DKK3: variants seen among roughly 807,000 people sequenced by gnomAD.
DKK3 encodes dickkopf Wnt signaling pathway inhibitor 3, also known as dickkopf-related protein 3.
DKK3 carries 22 observed loss-of-function variants against 33.2 expected under a neutral mutation model. The ratio of observed to expected loss-of-function variants is 0.66; its 90% confidence interval spans 0.47 to 0.95. The LOEUF (loss-of-function observed/expected upper bound fraction) is 0.95. DKK3 is among the 40% of genes least tolerant of loss of function. The probability of loss-of-function intolerance (pLI) is 0.00; values close to 1 mark genes in which losing one functional copy is unlikely to be tolerated. For synonymous variants in DKK3, 194 were observed against 188.8 expected (o/e 1.03, Z -0.23); for missense variants, 398 against 458.4 (o/e 0.87, Z 1.20).
intron 1 of DKK3, among the ~76,000 whole-genome samples, chr11:12,003,014 G>A (rs1226413510): frequency 6.6e-6 from 1 of 152,232 alleles, no homozygotes; most frequent in Admixed American, 6.5e-5. Context: ...CAATTCTAAA[G>A]CATGTAGAAT....
intron 3 of DKK3, among the ~76,000 whole-genome samples, chr11:11,992,458 G>A (rs1052176240): frequency 1.3e-5 from 2 of 152,190 alleles, no homozygotes; most frequent in Non-Finnish European, 2.9e-5. Context: ...CAGGGGTGGA[G>A]GCAGTAGCCT....
rs114174169 is a variant in DKK3 at position 11,984,538 on chromosome 11, T to C, written c.435+14158A>G. Among the ~76,000 whole-genome samples the C allele has an allele frequency of 8.0e-3, 1,222 of 152,212 alleles. 19 individuals are homozygous for C. The highest frequency in any genetic ancestry group is 0.028 in the African/African-American group (1,155 of 41,536). ...AACGCATTACTTTTCCCATGAGTTGTATCCAGATTAAGAAAATAATTCTGC... is the reference window on the plus strand; with the variant it reads ...AACGCATTACTTTTCCCATGAGTTGCATCCAGATTAAGAAAATAATTCTGC... On this transcript the variant is annotated intron_variant, in intron 3 of 6. Coordinates refer to ENST00000683431, the MANE Select transcript of DKK3 (RefSeq NM_001018057.2).
At chr11:11,977,496 A>C (rs535237253) in intron 3 of DKK3, among the ~76,000 whole-genome samples, 1 of 151,552 alleles carries the variant, frequency 6.6e-6, no homozygotes, top group African/African-American at 2.4e-5. Context: ...CGCATATTTA[A>C]CTCCAAAGGA....
intron 3 of DKK3, among the ~76,000 whole-genome samples, chr11:11,995,219 A>G (rs1018456479): frequency 1.2e-4 from 18 of 152,168 alleles, no homozygotes; most frequent in African/African-American, 3.4e-4. Flanking sequence ...GGCTGGAACC[A>G]CAGGCATGTG....
At chr11:12,008,869 C>T (rs1204734498), upstream of DKK3, 1 of 1,134,048 alleles carries the variant, frequency 8.8e-7, no homozygotes, top group Non-Finnish European at 1.1e-6. The surrounding 1 kb of genome is among the most constrained non-coding windows in gnomAD (Gnocchi z 4.6). Flanking sequence ...CTGCTCCTCA[C>T]CTGTGATGCT....
chr11:11,967,090 G>A lies in DKK3; in HGVS notation c.537C>T (p.Thr179=), dbSNP rs776782273. 1.2e-6 allele frequency: 2 copies of A among 1,613,482 alleles called. No individual in the cohort carries two copies. The highest frequency in any genetic ancestry group is 1.7e-6 in the Non-Finnish European group (2 of 1,179,846). ...GGTCTCCACAGCACTCACTGTCCCG[G>A]GTGCAGAGCTGCAGACAGGTGGAAA... The part of the protein sequence containing the change: ...QPCRGQRMLC[T]RDSECCGDQL... The change falls in exon 5 of 7, where the codon ACC becomes ACT. Residue 179 remains threonine (T), a synonymous_variant. Transcript: ENST00000683431.
At chr11:11,968,528 A>C in intron 3 of DKK3, 41 bp from the exon 4 acceptor site, 1 of 1,583,958 alleles carries the variant, frequency 6.3e-7, no homozygotes, top group Non-Finnish European at 8.6e-7. Flanking sequence ...AATGGAGAGC[A>C]GAGCAGCAGG....
At position 11,968,334 on chromosome 11, in the gene DKK3, C is replaced by T. The variant is rs1239596295; in HGVS notation, c.528+61G>A. 3.3e-6 allele frequency: 5 copies of T among 1,515,338 alleles called. No individual in the cohort carries two copies. In the East Asian group the frequency reaches 9.4e-5, roughly 28 times the overall value. The allele number at this position is 1,515,338 out of a possible 1,614,324, so 93.9% of individuals were successfully genotyped here. On this transcript the variant is annotated intron_variant, in intron 4 of 6. Coordinates refer to ENST00000683431, the MANE Select transcript of DKK3 (RefSeq NM_001018057.2). ...CAGCTGAGAACGCTGGGGCCCCTGG[C>T]TTTCTCCCCCAGGTGCCTGAGACCC...
intron 3 of DKK3, among the ~76,000 whole-genome samples, chr11:11,994,148 C>T (rs1389182556): frequency 1.3e-5 from 2 of 152,114 alleles, no homozygotes; most frequent in African/African-American, 2.4e-5. Context: ...GGAGACCTTT[C>T]GCATCTCCCC....
In DKK3 at chr11:11,966,980, G is replaced by A. The variant is rs371921208; in HGVS notation, c.647C>T (p.Pro216Leu). ...TCTCTGGAAGGCACAGCACAGCCCC[G>A]GCTGGCAGTCCCTCTGGTTGTCACA... ...TICDNQRDCQ[P>L]GLCCAFQRGL... The change falls in exon 5 of 7, where the codon CCG becomes CTG. Residue 216 changes from proline (P) to leucine (L), a missense_variant. Pro to Leu is a moderately conservative substitution (Grantham distance 98). Transcript: ENST00000683431. The A allele has an allele frequency of 3.0e-5, 48 of 1,613,924 alleles. No individual in the cohort carries two copies. Among genetic ancestry groups the A allele is most frequent in the African/African-American group, 6.7e-5 (5 of 74,918 alleles).
At chr11:11,977,840 T>C (rs1036474969) in intron 3 of DKK3, among the ~76,000 whole-genome samples, 1 of 152,184 alleles carries the variant, frequency 6.6e-6, no homozygotes, top group Non-Finnish European at 1.5e-5. Context: ...TCCACTTGCA[T>C]GGGACCTCTT....
rs1847529107 is a variant in DKK3, at chr11:11,964,420, A to G, written c.*44T>C. 1 of 1,593,012 alleles carries G rather than the reference A, an allele frequency of 6.3e-7. No homozygotes were observed. The highest frequency in any genetic ancestry group is 1.1e-5 in the South Asian group (1 of 90,476). ...CTAAAGCACACACCTGGGGAAATAA[A>G]TTAGCTATTTCTATTGCACATCTAC... On this transcript the variant is annotated 3_prime_UTR_variant, in exon 7 of 7. Coordinates refer to ENST00000683431, the MANE Select transcript of DKK3 (RefSeq NM_001018057.2).
chr11:11,976,996 C>T (rs558721822), intron 3 of DKK3, among the ~76,000 whole-genome samples: 74 of 152,258 alleles, frequency 4.9e-4, no homozygotes, highest in African/African-American at 1.6e-3. Flanking sequence ...TAGCCTGACC[C>T]GCTGCAGAGA....
chr11:11,998,622 G>A (rs1171342731), intron 3 of DKK3, 74 bp downstream of exon 3: 3 of 1,352,584 alleles, frequency 2.2e-6, no homozygotes, highest in Middle Eastern at 3.6e-4. Context: ...CTGCATCTGA[G>A]TCACCGTTGG....
chr11:11,976,742 T>G (rs567940972), intron 3 of DKK3, among the ~76,000 whole-genome samples: 1 of 152,208 alleles, frequency 6.6e-6, no homozygotes, highest in Non-Finnish European at 1.5e-5. Context: ...GACTGGAGGA[T>G]TAGCAACAGT....
intron 1 of DKK3, among the ~76,000 whole-genome samples, chr11:12,004,995 T>A (rs1332285703): frequency 6.6e-6 from 1 of 152,182 alleles, no homozygotes; most frequent in African/African-American, 2.4e-5. Flanking sequence ...GCAAGAGACC[T>A]TGCCCTCAGT....
chr11:11,999,817 CCAGCTCTAATATCA>C (rs1347106530), intron 2 of DKK3, among the ~76,000 whole-genome samples: 1 of 152,164 alleles, frequency 6.6e-6, no homozygotes, highest in Admixed American at 6.5e-5. Context: ...AAGGTCTCTG[CCAGCTCTAATATCA>C]CAGGAATCTG....
chr11:11,984,050 G>C (rs948140833), intron 3 of DKK3, among the ~76,000 whole-genome samples: 4 of 152,224 alleles, frequency 2.6e-5, no homozygotes, highest in Non-Finnish European at 4.4e-5. Flanking sequence ...GGCCATGTCT[G>C]TCTCTGTGAC....
intron 3 of DKK3, among the ~76,000 whole-genome samples, chr11:11,973,976 G>A (rs1361924150): frequency 6.6e-6 from 1 of 152,150 alleles, no homozygotes; most frequent in Non-Finnish European, 1.5e-5. Context: ...ATACTGGCTG[G>A]GCACTTGGAT....
Sources: allele counts gnomAD v4.1 joint callset (sites outside exome capture counted in the v4.1 genomes callset), GRCh38; gene constraint gnomAD v4.1.1; non-coding constraint Gnocchi (gnomAD v3.1); transcripts MANE v1.5; gene names NCBI Gene and HGNC (gene_info 2026-07-23, HGNC 2026-07-21).